The following IFT56 variants were observed in gnomAD, a reference collection of about 807,000 sequenced individuals.
IFT56 encodes intraflagellar transport protein 56.
the IFT56 span, among the ~76,000 whole-genome samples, chr7:139,141,477 A>AAT: frequency 1.1e-4 from 16 of 152,278 alleles, no homozygotes; most frequent in South Asian, 3.1e-3. Context: ...GTACTAATGT[A>AAT]GTTTTTCCTA....
the IFT56 span, among the ~76,000 whole-genome samples, chr7:139,163,355 A>AG: frequency 6.6e-6 from 1 of 151,768 alleles, no homozygotes. Flanking sequence ...AAAAAAAAAA[A>AG]GAAAAAAAAG....
At chr7:139,166,961 G>A in the IFT56 span, 1 of 1,077,906 alleles carries the variant, frequency 9.3e-7, no homozygotes, top group African/African-American at 1.5e-5. Flanking sequence ...CAGAAATTTA[G>A]TTGGAAGTCA....
the IFT56 span, chr7:139,168,286 T>G: frequency 3.3e-6 from 4 of 1,219,278 alleles, no homozygotes; most frequent in South Asian, 4.7e-5. Context: ...AGGAGTTAAT[T>G]TGAAAATGAT....
the IFT56 span, among the ~76,000 whole-genome samples, chr7:139,135,659 G>A: frequency 1.3e-5 from 2 of 152,160 alleles, no homozygotes; most frequent in African/African-American, 4.8e-5. Flanking sequence ...TTTAAGGTGA[G>A]TAGTCTAAGT....
the IFT56 span, among the ~76,000 whole-genome samples, chr7:139,160,256 G>A: frequency 6.6e-5 from 10 of 151,964 alleles, no homozygotes; most frequent in African/African-American, 2.4e-4. Context: ...ATAGAAAAGG[G>A]AAGAAAGGAG....
At chr7:139,155,771 G>A in the IFT56 span, among the ~76,000 whole-genome samples, 2 of 151,792 alleles carry the variant, frequency 1.3e-5, no homozygotes, top group African/African-American at 4.8e-5. Context: ...TTTGGTATTG[G>A]GGTAATACTA....
the IFT56 span, among the ~76,000 whole-genome samples, chr7:139,145,884 A>C: frequency 1.3e-5 from 2 of 152,212 alleles, no homozygotes; most frequent in Non-Finnish European, 2.9e-5. Context: ...ATACATGTTC[A>C]TCATAGTACT....
chr7:139,145,995 C>G, the IFT56 span, among the ~76,000 whole-genome samples: 2 of 151,920 alleles, frequency 1.3e-5, no homozygotes, highest in Non-Finnish European at 1.5e-5. Flanking sequence ...TTCTTCCAGT[C>G]TTTAAAAAAT....
the IFT56 span, chr7:139,179,761 A>C: frequency 1.3e-6 from 1 of 793,828 alleles, no homozygotes; most frequent in Non-Finnish European, 2.0e-6. Context: ...TGTTCTGTAG[A>C]ATGAGTAAAC....
At chr7:139,168,819 C>G in the IFT56 span, among the ~76,000 whole-genome samples, 3 of 152,096 alleles carry the variant, frequency 2.0e-5, no homozygotes, top group Non-Finnish European at 2.9e-5. Flanking sequence ...AAATTAAGCT[C>G]TTATCCATCT....
chr7:139,161,944 T>C, the IFT56 span, among the ~76,000 whole-genome samples: 25 of 152,346 alleles, frequency 1.6e-4, no homozygotes, highest in African/African-American at 5.5e-4. Flanking sequence ...CATAATAGTC[T>C]GGAATTTAAG....
At chr7:139,142,141 A>G in the IFT56 span, 8 of 1,046,136 alleles carry the variant, frequency 7.6e-6, no homozygotes, top group South Asian at 5.2e-5. Context: ...TAGCAGAGAC[A>G]TATTAGGATC....
the IFT56 span, among the ~76,000 whole-genome samples, chr7:139,144,627 T>C: frequency 6.6e-6 from 1 of 152,030 alleles, no homozygotes; most frequent in Non-Finnish European, 1.5e-5. Flanking sequence ...GTAGACCTTT[T>C]GTTTGTATCG....
At chr7:139,179,441 T>C in the IFT56 span, 1 of 652,090 alleles carries the variant, frequency 1.5e-6, no homozygotes, top group Non-Finnish European at 2.7e-6. Context: ...GTCCCTCACT[T>C]TTCTTAGCAG....
At chr7:139,135,046 C>T in the IFT56 span, among the ~76,000 whole-genome samples, 1 of 152,014 alleles carries the variant, frequency 6.6e-6, no homozygotes. Flanking sequence ...TTCGGGAGGC[C>T]GAGACGGGCA....
chr7:139,142,136 G>A, the IFT56 span: 5 of 1,002,094 alleles, frequency 5.0e-6, no homozygotes, highest in South Asian at 1.3e-5. Flanking sequence ...TATTCTAGCA[G>A]AGACATATTA....
chr7:139,173,533 C>A, the IFT56 span: 1 of 768,970 alleles, frequency 1.3e-6, no homozygotes, highest in South Asian at 1.3e-5. Context: ...CCGGCAAAGT[C>A]ACCTTTTTAT....
the IFT56 span, chr7:139,133,851 C>T: frequency 6.2e-7 from 1 of 1,614,198 alleles, no homozygotes; most frequent in South Asian, 1.1e-5. Flanking sequence ...ACAAGACCGA[C>T]GTCAAGATGG....
At chr7:139,176,861 T>C in the IFT56 span, among the ~76,000 whole-genome samples, 1 of 152,038 alleles carries the variant, frequency 6.6e-6, no homozygotes, top group Admixed American at 6.6e-5. Context: ...TTAAGTCTAG[T>C]AGGGCAGATG....
Sources: gnomAD v4.1 joint callset for allele counts (sites outside exome capture counted in the v4.1 genomes callset) on GRCh38, gnomAD v4.1.1 for gene constraint, MANE v1.5 for transcripts, NCBI Gene and HGNC (gene_info 2026-07-23, HGNC 2026-07-21) for gene names.